The following TUFT1 variants were observed in gnomAD, a reference collection of about 807,000 sequenced individuals.
The protein encoded by TUFT1 is tuftelin.
Under a neutral mutation model 57.8 loss-of-function variants are expected in TUFT1, and 43 were observed. The observed-to-expected ratio is 0.74, with a 90% confidence interval of 0.58 to 0.96. TUFT1 has a LOEUF of 0.96. Ranked by LOEUF, TUFT1 falls within the 40% of genes least tolerant of loss-of-function variation. The pLI, the probability that TUFT1 is intolerant of heterozygous loss-of-function variation, is 0.00. For synonymous variants in TUFT1, 166 were observed against 176.7 expected (o/e 0.94, Z 0.48); for missense variants, 459 against 489.0 (o/e 0.94, Z 0.58).
At chr1:151,565,454 GA>G (rs1666038134) in intron 5 of TUFT1, among the ~76,000 whole-genome samples, 1 of 152,254 alleles carries the variant, frequency 6.6e-6, no homozygotes, top group Admixed American at 6.5e-5. Context: ...CTGGTGCAAG[GA>G]AAGTTCTTTG....
chr1:151,546,007 T>TC (rs1553248468), intron 1 of TUFT1: 9 of 273,430 alleles, frequency 3.3e-5, no homozygotes, highest in Admixed American at 1.4e-4. Context: ...TTTTTTCTTT[T>TC]TTTTTTTTTT....
intron 1 of TUFT1, 193 bp downstream of exon 1, chr1:151,540,619 T>C: frequency 6.3e-6 from 4 of 635,022 alleles, no homozygotes; most frequent in Non-Finnish European, 1.1e-5. Context: ...AAGACTCCTT[T>C]GAGGCTGGAG....
chr1:151,579,634 C>T lies in TUFT1; in HGVS notation c.925-15C>T. On this transcript the variant is annotated splice_polypyrimidine_tract_variant and intron_variant, in intron 10 of 12. Transcript: ENST00000368849. ...CATTGCAAAATGAGCTCCAGTGTCT[C>T]CCACACCTTTGCAGCTCCAGAATTC... 3.1e-6 allele frequency: 5 copies of T among 1,613,566 alleles called. No homozygotes were observed. In the South Asian group the frequency reaches 4.4e-5, roughly 14 times the overall value.
chr1:151,543,405 T>C (rs1006547242), intron 1 of TUFT1, among the ~76,000 whole-genome samples: 4 of 151,930 alleles, frequency 2.6e-5, no homozygotes, highest in Non-Finnish European at 4.4e-5. Flanking sequence ...ATGTGAAATA[T>C]GTTTTTGAGA....
At chr1:151,561,787 C>T in intron 1 of TUFT1, 1 of 1,381,510 alleles carries the variant, frequency 7.2e-7, no homozygotes, top group Non-Finnish European at 9.5e-7. Flanking sequence ...AAGAAGAATG[C>T]ATGCAATGTG....
chr1:151,549,831 C>G (rs573573669), intron 1 of TUFT1, among the ~76,000 whole-genome samples: 113 of 152,324 alleles, frequency 7.4e-4, no homozygotes, highest in Admixed American at 1.3e-3. Flanking sequence ...AATTGATCCT[C>G]TCACCTCAGC....
chr1:151,547,105 C>T (rs983009003), intron 1 of TUFT1, among the ~76,000 whole-genome samples: 1 of 152,156 alleles, frequency 6.6e-6, no homozygotes, highest in African/African-American at 2.4e-5. Context: ...CTAAACTCAG[C>T]CCATAAATTT....
intron 11 of TUFT1, among the ~76,000 whole-genome samples, chr1:151,580,598 G>T (rs1666615937): frequency 6.7e-6 from 1 of 150,298 alleles, no homozygotes; most frequent in Non-Finnish European, 1.5e-5. Flanking sequence ...GGAGGTCGAG[G>T]CTGCAGTGAG....
chr1:151,550,367 CAG>C (rs1212891893), intron 1 of TUFT1, among the ~76,000 whole-genome samples: 2 of 151,834 alleles, frequency 1.3e-5, no homozygotes, highest in African/African-American at 4.8e-5. Flanking sequence ...TTTTTTGAGA[CAG>C]AGTCTCACTC....
chr1:151,567,373 A>G (rs976129015), intron 6 of TUFT1, among the ~76,000 whole-genome samples: 22 of 152,038 alleles, frequency 1.4e-4, no homozygotes, highest in Admixed American at 2.6e-4. Flanking sequence ...GGCTGGGACT[A>G]TAGACACGTG....
intron 1 of TUFT1, chr1:151,540,654 G>A (rs1665132508): frequency 7.2e-6 from 4 of 553,474 alleles, no homozygotes; most frequent in Non-Finnish European, 1.3e-5. Context: ...CTGCCCTTTG[G>A]TAGGACACTG....
chr1:151,545,760 G>T, intron 1 of TUFT1: 1 of 509,470 alleles, frequency 2.0e-6, no homozygotes, highest in Non-Finnish European at 4.1e-6. Context: ...AGTCCCAGGG[G>T]TGAGAGGAAG....
chr1:151,560,252 C>G (rs1350867133), intron 1 of TUFT1, among the ~76,000 whole-genome samples: 1 of 151,558 alleles, frequency 6.6e-6, no homozygotes, highest in Non-Finnish European at 1.5e-5. Context: ...CCCGTCTCTA[C>G]TAAAAATACA....
At chr1:151,562,265 G>A in intron 2 of TUFT1, 100 bp downstream of exon 2, 1 of 1,063,414 alleles carries the variant, frequency 9.4e-7, no homozygotes, top group Non-Finnish European at 1.4e-6. Flanking sequence ...CTCTGGTGAT[G>A]CGAGCGTGGG....
At chr1:151,568,921 C>T (rs1666162498) in intron 6 of TUFT1, among the ~76,000 whole-genome samples, 1 of 152,200 alleles carries the variant, frequency 6.6e-6, no homozygotes, top group Admixed American at 6.5e-5. Flanking sequence ...TTCACTTCTT[C>T]ATTATCACCC....
chr1:151,561,753 G>C, intron 1 of TUFT1: 1 of 1,325,228 alleles, frequency 7.5e-7, no homozygotes, highest in Non-Finnish European at 9.9e-7. Flanking sequence ...AGCAGTCCAG[G>C]AATGACCTCT....
In TUFT1 at chr1:151,560,199, CAA is replaced by C. The variant is rs375027126; in HGVS notation, c.61-1890_61-1889del. Among the ~76,000 whole-genome samples, 596 of 151,066 alleles carry C rather than the reference CAA, an allele frequency of 3.9e-3. 9 individuals are homozygous for C. Among genetic ancestry groups the C allele is most frequent in the Admixed American group, 0.027 (408 of 15,190 alleles). The stretch of plus-strand genomic sequence containing the variant: ...TTGGGAGGCTGAGGCGGGAGGATCA[CAA>C]AGTCAGGAGTTCGAGACCAGCCTGG... On this transcript the variant is annotated intron_variant, in intron 1 of 12. Coordinates refer to ENST00000368849, the MANE Select transcript of TUFT1 (RefSeq NM_020127.3).
intron 6 of TUFT1, among the ~76,000 whole-genome samples, chr1:151,566,668 A>C (rs1190547828): frequency 6.6e-6 from 1 of 152,186 alleles, no homozygotes; most frequent in Non-Finnish European, 1.5e-5. Context: ...ATACATAGAC[A>C]ACCATATTTA....
intron 1 of TUFT1, among the ~76,000 whole-genome samples, chr1:151,545,161 T>C (rs534611734): frequency 2.6e-5 from 4 of 152,052 alleles, no homozygotes; most frequent in Admixed American, 1.3e-4. Context: ...AAATACAAAA[T>C]TAGCCAGGTG....
Sources: allele counts gnomAD v4.1 joint callset (sites outside exome capture counted in the v4.1 genomes callset), GRCh38; gene constraint gnomAD v4.1.1; transcripts MANE v1.5; gene names NCBI Gene and HGNC (gene_info 2026-07-23, HGNC 2026-07-21).